The following PDSS2 variants were observed in gnomAD, a reference collection of about 807,000 sequenced individuals.
PDSS2 encodes the protein decaprenyl diphosphate synthase subunit 2, also known as all trans-polyprenyl-diphosphate synthase PDSS2.
In PDSS2, 31 loss-of-function variants were observed where a neutral mutation model predicts 44.5. That is an observed-to-expected ratio of 0.70 (90% confidence interval 0.52 to 0.94). The LOEUF is 0.94. PDSS2 is among the 40% of genes least tolerant of loss of function. The pLI is 0.00. For missense variants in PDSS2, 452 were observed against 482.2 expected, an observed-to-expected ratio of 0.94 and a Z score of 0.59; for synonymous variants, 157 against 180.3, an observed-to-expected ratio of 0.87 and a Z score of 1.03.
chr6:107,311,698 A>G (rs905234579), intron 2 of PDSS2, among the ~76,000 whole-genome samples: 10 of 152,334 alleles, frequency 6.6e-5, no homozygotes, highest in African/African-American at 2.2e-4. Context: ...TTGCAGTAAG[A>G]AAGACCTGGT....
chr6:107,284,489 C>T (rs1057154404), intron 2 of PDSS2, among the ~76,000 whole-genome samples: 4 of 151,840 alleles, frequency 2.6e-5, no homozygotes, highest in East Asian at 1.9e-4. Flanking sequence ...GGTGAAACCC[C>T]GTCTCTACTA....
chr6:107,198,835 A>ACAC (rs1426097741), intron 6 of PDSS2, among the ~76,000 whole-genome samples: 8 of 148,882 alleles, frequency 5.4e-5, no homozygotes, highest in African/African-American at 2.0e-4. Flanking sequence ...AACAACAACA[A>ACAC]CACAGCAAAA....
chr6:107,452,189 A>G lies in PDSS2; in HGVS notation c.296+6801T>C, dbSNP rs527238290. ...GATTACAGGCATGCACCACCGCACA[A>G]GCTTTTTCCCCTATTTTCTAATTGT... On this transcript the variant is annotated intron_variant, in intron 1 of 7. Coordinates refer to ENST00000369037, the MANE Select transcript of PDSS2 (RefSeq NM_020381.4). Among the ~76,000 whole-genome samples, 9 of 150,104 alleles carry G rather than the reference A, an allele frequency of 6.0e-5. No individual in the cohort carries two copies. In the East Asian group the frequency reaches 1.6e-3, roughly 27 times the overall value.
intron 4 of PDSS2, among the ~76,000 whole-genome samples, chr6:107,213,016 C>T (rs74607306): frequency 6.6e-6 from 1 of 151,768 alleles, no homozygotes; most frequent in African/African-American, 2.4e-5. Context: ...TTCTCTCCCC[C>T]TCTTTTTATT....
chr6:107,204,878 A>C (rs762949131), intron 6 of PDSS2, among the ~76,000 whole-genome samples: 1 of 152,242 alleles, frequency 6.6e-6, no homozygotes, highest in Non-Finnish European at 1.5e-5. Context: ...CCTTAAGTGC[A>C]ACAGAAAGCC....
intron 1 of PDSS2, among the ~76,000 whole-genome samples, chr6:107,372,083 T>A (rs1779142668): frequency 6.6e-6 from 1 of 152,204 alleles, no homozygotes; most frequent in African/African-American, 2.4e-5. Flanking sequence ...TTTAAAAGAT[T>A]CAATTAAGGA....
In PDSS2 at chr6:107,278,126, C is replaced by G. The variant is rs185631464; in HGVS notation, c.432-3899G>C. Among the ~76,000 whole-genome samples the G allele has an allele frequency of 2.6e-3, 399 of 151,960 alleles. 2 individuals are homozygous for G. The highest frequency in any genetic ancestry group is 8.6e-3 in the African/African-American group (357 of 41,488). The stretch of plus-strand genomic sequence containing the variant: ...GGCATTATCAAATGCCAAGGAAAAT[C>G]TCATGTCTAATTGATTTCCTTTGTT... On this transcript the variant is annotated intron_variant, in intron 2 of 7. Coordinates refer to ENST00000369037, the MANE Select transcript of PDSS2 (RefSeq NM_020381.4).
At chr6:107,359,460 T>A (rs1778698099) in intron 1 of PDSS2, among the ~76,000 whole-genome samples, 1 of 151,174 alleles carries the variant, frequency 6.6e-6, no homozygotes, top group African/African-American at 2.4e-5. Context: ...CCATCTTTAC[T>A]AAAAATACAA....
At position 107,233,234 on chromosome 6, in the gene PDSS2, CAT is replaced by C. The variant is rs375016220; in HGVS notation, c.702+12312_702+12313del. Among the ~76,000 whole-genome samples, 750 of 152,328 alleles carry C rather than the reference CAT, an allele frequency of 4.9e-3. 6 individuals are homozygous for C. Among genetic ancestry groups the C allele is most frequent in the African/African-American group, 0.017 (724 of 41,566 alleles). Reference sequence around the variant, plus strand: ...ATTCTTAATGCTGCACTTTCTCCTACATATATAGTCTGTTCCTTACAATTTTA... The same window carrying C: ...ATTCTTAATGCTGCACTTTCTCCTACATATAGTCTGTTCCTTACAATTTTA... On this transcript the variant is annotated intron_variant, in intron 4 of 7. Transcript: ENST00000369037.
intron 2 of PDSS2, among the ~76,000 whole-genome samples, chr6:107,303,771 C>T (rs574370024): frequency 3.3e-5 from 5 of 152,164 alleles, no homozygotes; most frequent in African/African-American, 7.2e-5. Flanking sequence ...ACTGCTGCAC[C>T]GAACATCTTC....
chr6:107,455,407 T>C (rs1052528582), intron 1 of PDSS2, among the ~76,000 whole-genome samples: 4 of 151,730 alleles, frequency 2.6e-5, no homozygotes, highest in South Asian at 2.1e-4. Flanking sequence ...GCCCCTATCA[T>C]TGACACTATC....
At chr6:107,166,114 G>A (rs1373968150) in intron 7 of PDSS2, among the ~76,000 whole-genome samples, 1 of 152,086 alleles carries the variant, frequency 6.6e-6, no homozygotes, top group Non-Finnish European at 1.5e-5. Context: ...TCTGCAAACA[G>A]GGACAATTTG....
At position 107,299,450 on chromosome 6, in the gene PDSS2, A is replaced by G. The variant is rs150744605; in HGVS notation, c.432-25223T>C. Among the ~76,000 whole-genome samples the G allele has an allele frequency of 8.5e-5, 13 of 152,314 alleles. 1 individual carries two copies. The East Asian group carries it at 2.5e-3, about 29-fold the overall frequency. ...GAAAATCCAGGAGACAACGCTAGCT[A>G]TTCCTGTGAACCTCTAGAGGATCTG... On this transcript the variant is annotated intron_variant, in intron 2 of 7. Coordinates refer to ENST00000369037, the MANE Select transcript of PDSS2 (RefSeq NM_020381.4).
chr6:107,331,945 C>T lies in PDSS2; in HGVS notation c.431+2253G>A, dbSNP rs1255539646. On this transcript the variant is annotated intron_variant, in intron 2 of 7. Coordinates refer to ENST00000369037, the MANE Select transcript of PDSS2 (RefSeq NM_020381.4). ...AGCAGACTGAAAATCAATGGAATTC[C>T]TAACCGAAAACAGAGATATATGGGA... Among the ~76,000 whole-genome samples, 3 of 151,892 alleles carry T rather than the reference C, an allele frequency of 2.0e-5. No homozygotes were observed. The East Asian group carries it at 5.8e-4, about 29-fold the overall frequency.
chr6:107,227,278 CTTTTTTTTTTTTT>C lies in PDSS2; in HGVS notation c.703-15009_703-14997del, dbSNP rs60988844. ...GATTATAGGTGTAAGCCACTGTGCC[CTTTTTTTTTTTTT>C]TTTTTTTTTTTTTTTGAGACAGAGT... On this transcript the variant is annotated intron_variant, in intron 4 of 7. Coordinates refer to ENST00000369037, the MANE Select transcript of PDSS2 (RefSeq NM_020381.4). Among the ~76,000 whole-genome samples the C allele has an allele frequency of 1.1e-3, 115 of 102,818 alleles. 1 individual carries two copies. Among genetic ancestry groups the C allele is most frequent in the African/African-American group, 4.2e-3 (108 of 26,012 alleles). 67.5% of individuals were successfully genotyped at this position (102,818 alleles called of 152,430 possible).
chr6:107,376,065 T>C (rs554529331), intron 1 of PDSS2, among the ~76,000 whole-genome samples: 3 of 152,322 alleles, frequency 2.0e-5, no homozygotes, highest in African/African-American at 7.2e-5. Context: ...AAAGATCAGA[T>C]AGTTGTAGAC....
In PDSS2 at chr6:107,371,679, A is replaced by T. The variant is rs191072627; in HGVS notation, c.297-37347T>A. On this transcript the variant is annotated intron_variant, in intron 1 of 7. Transcript: ENST00000369037. Reference sequence around the variant, plus strand: ...TAAGAATTAGTAAGAATGAAGGCAGACAGACAGCTCCAAGACCAAGAAAAA... The same window carrying T: ...TAAGAATTAGTAAGAATGAAGGCAGTCAGACAGCTCCAAGACCAAGAAAAA... 4.0e-3 allele frequency among the ~76,000 whole-genome samples: 607 copies of T among 151,712 alleles called. 9 individuals are homozygous for T. The highest frequency in any genetic ancestry group is 0.014 in the African/African-American group (574 of 40,960).
At chr6:107,319,698 T>C (rs538293333) in intron 2 of PDSS2, among the ~76,000 whole-genome samples, 64 of 152,234 alleles carry the variant, frequency 4.2e-4, no homozygotes, top group African/African-American at 1.4e-3. Context: ...TAAAACAAAG[T>C]TTGCATAAAG....
chr6:107,173,268 G>A (rs1235222527), intron 7 of PDSS2, among the ~76,000 whole-genome samples: 1 of 151,540 alleles, frequency 6.6e-6, no homozygotes, highest in Non-Finnish European at 1.5e-5. Flanking sequence ...GTTTAGTAGT[G>A]GATTTATATT....
Sources: gnomAD v4.1 joint callset for allele counts (sites outside exome capture counted in the v4.1 genomes callset) on GRCh38, gnomAD v4.1.1 for gene constraint, MANE v1.5 for transcripts, NCBI Gene and HGNC (gene_info 2026-07-23, HGNC 2026-07-21) for gene names.